Variants in DMD observed in about 807,000 individuals in gnomAD.
DMD encodes dystrophin, also known as mutant dystrophin.
DMD carries 63 observed loss-of-function variants against 330.1 expected under a neutral mutation model. The ratio of observed to expected loss-of-function variants is 0.19; its 90% CI spans 0.16 to 0.24. DMD has a LOEUF of 0.24. Among genes scored for constraint, DMD ranks in the 10% least tolerant of loss-of-function variants. DMD has a pLI of 1.00. For missense variants in DMD, 3,344 were observed against 2,684.1 expected (o/e 1.25, Z -5.43); for synonymous variants, 1,223 against 959.8 (o/e 1.27, Z -5.07).
chrX:31,288,171 G>C (rs189207861), intron 62 of DMD, among the ~76,000 whole-genome samples: 7 of 111,760 alleles, frequency 6.3e-5, no homozygotes, highest in Admixed American at 3.8e-4. Context: ...CGGGAGAGGA[G>C]AGAGGGTTAA....
At position 32,828,031 on chromosome X, in the gene DMD, C is replaced by T. The variant is rs189739306; in HGVS notation, c.265-4644G>A. Among the ~76,000 whole-genome samples, 11 of 111,272 alleles carry T rather than the reference C, an allele frequency of 9.9e-5. No individual in the cohort carries two copies. The South Asian group carries it at 1.1e-3, about 12-fold the overall frequency. ...TCATGCACTAGTTTGCTAAGGATAA[C>T]GGCTCCAGCTGCATCCATGTTGCTA... On this transcript the variant is annotated intron_variant, in intron 4 of 78. Coordinates refer to ENST00000357033, the MANE Select transcript of DMD (RefSeq NM_004006.3).
At chrX:32,865,551 G>A (rs755884755) in intron 2 of DMD, among the ~76,000 whole-genome samples, 8 of 112,097 alleles carry the variant, frequency 7.1e-5, no homozygotes, top group Non-Finnish European at 1.1e-4. Flanking sequence ...GTAAGTGGAC[G>A]GATGGAACAT....
intron 44 of DMD, among the ~76,000 whole-genome samples, chrX:32,051,847 C>G (rs969175133): frequency 9.0e-6 from 1 of 111,052 alleles, no homozygotes; most frequent in Non-Finnish European, 1.9e-5. Context: ...AAACTAGATT[C>G]TCTCTCCACC....
Position 33,062,467 on chromosome X carries a change from T to TTTA in DMD, c.32-42268_32-42267insTAA, listed in dbSNP as rs746290047. On this transcript the variant is annotated intron_variant, in intron 1 of 78. Coordinates refer to ENST00000357033, the MANE Select transcript of DMD (RefSeq NM_004006.3). ...AAGGAGTTTATTCTACAATTTTTGT[T>TTTA]TTTATTTATTTATCTATTTATTTTT... is the stretch of plus-strand genomic sequence containing the variant. 1.7e-3 allele frequency among the ~76,000 whole-genome samples: 196 copies of TTTA among 112,166 alleles called. 1 individual carries two copies. The highest frequency in any genetic ancestry group is 3.2e-3 in the Non-Finnish European group (169 of 53,187).
intron 60 of DMD, among the ~76,000 whole-genome samples, chrX:31,378,862 A>G (rs1307407217): frequency 9.1e-6 from 1 of 109,864 alleles, no homozygotes; most frequent in Non-Finnish European, 1.9e-5. Context: ...CTAAAACCTA[A>G]ATGCCTTATT....
intron 44 of DMD, among the ~76,000 whole-genome samples, chrX:32,063,915 G>A: frequency 9.0e-6 from 1 of 111,139 alleles, no homozygotes; most frequent in Non-Finnish European, 1.9e-5. Flanking sequence ...GTAGAATACA[G>A]AAATTATATT....
At chrX:32,432,716 C>A (rs1603633362) in intron 29 of DMD, among the ~76,000 whole-genome samples, 2 of 112,313 alleles carry the variant, frequency 1.8e-5, no homozygotes, top group African/African-American at 6.5e-5. Context: ...ATATTGTCTA[C>A]AAAACATATT....
At chrX:32,542,329 A>G (rs184400278) in intron 17 of DMD, among the ~76,000 whole-genome samples, 1 of 111,794 alleles carries the variant, frequency 8.9e-6, no homozygotes, top group African/African-American at 3.3e-5. Context: ...GCTACTCGGG[A>G]GGTTGAGGCA....
rs2071057426 is a variant in DMD, at chrX:31,507,386, AT to A, written c.8284del (p.Ile2762SerfsTer2). 1 of 1,209,532 alleles carries A rather than the reference AT, an allele frequency of 8.3e-7. No individual in the cohort carries two copies. The highest frequency in any genetic ancestry group is 2.2e-5 in the Admixed American group (1 of 45,694). On this transcript the variant is annotated frameshift_variant, in exon 56 of 79. Coordinates refer to ENST00000357033, the MANE Select transcript of DMD (RefSeq NM_004006.3). LOFTEE classifies it high-confidence loss of function. ...ATCGGAACCTTCCAGGGATCTCAGG[AT>A]TTTTTGGCTGTTTTCATCCAGGTTG... ...YHNLDENSQK[I>X]LRSLEGSDDA...
intron 34 of DMD, among the ~76,000 whole-genome samples, chrX:32,371,300 C>A (rs1001201077): frequency 5.4e-5 from 6 of 111,216 alleles, no homozygotes; most frequent in Non-Finnish European, 1.1e-4. Context: ...GCATTTAACA[C>A]CTTCAGTTAA....
intron 4 of DMD, among the ~76,000 whole-genome samples, chrX:32,825,654 G>A (rs766791316): frequency 4.5e-5 from 5 of 112,071 alleles, no homozygotes; most frequent in African/African-American, 1.6e-4. Context: ...TAAACAAAAT[G>A]TGGTATGTAC....
At chrX:31,220,672 C>T (rs2045913018) in intron 64 of DMD, among the ~76,000 whole-genome samples, 2 of 110,791 alleles carry the variant, frequency 1.8e-5, no homozygotes, top group Middle Eastern at 4.2e-3. Context: ...CTCATGATCC[C>T]TAAACGTTGT....
intron 17 of DMD, among the ~76,000 whole-genome samples, chrX:32,540,814 A>C (rs1431425976): frequency 8.9e-6 from 1 of 111,997 alleles, no homozygotes; most frequent in Non-Finnish European, 1.9e-5. Flanking sequence ...GATTATTGGG[A>C]AGGTAGACAT....
intron 7 of DMD, among the ~76,000 whole-genome samples, chrX:32,803,729 A>G (rs1206015934): frequency 2.7e-5 from 3 of 111,873 alleles, no homozygotes; most frequent in African/African-American, 9.8e-5. Flanking sequence ...CCCAGTAGTC[A>G]CCCAGGAGCA....
At chrX:31,966,940 C>G (rs2095356335) in intron 45 of DMD, among the ~76,000 whole-genome samples, 1 of 110,161 alleles carries the variant, frequency 9.1e-6, no homozygotes, top group Non-Finnish European at 1.9e-5. Context: ...ATTTAATCCA[C>G]TTTATGAATT....
intron 52 of DMD, among the ~76,000 whole-genome samples, chrX:31,709,728 C>A (rs918229792): frequency 2.7e-5 from 3 of 110,405 alleles, no homozygotes; most frequent in African/African-American, 9.9e-5. Flanking sequence ...TTTAAGAGTG[C>A]ACATATTTCT....
Position 33,020,041 on chromosome X carries a change from A to G in DMD, c.93+98T>C, listed in dbSNP as rs72470535. ...ACAGCTAAAATAAAATGACACTATGAGAGAAATAAAACGGATTTTTAAGAT... is the reference window on the plus strand; with the variant it reads ...ACAGCTAAAATAAAATGACACTATGGGAGAAATAAAACGGATTTTTAAGAT... On this transcript the variant is annotated intron_variant, in intron 2 of 78. Coordinates refer to ENST00000357033, the MANE Select transcript of DMD (RefSeq NM_004006.3). 1.5e-3 allele frequency: 954 copies of G among 621,102 alleles called. 1 individual carries two copies. Among genetic ancestry groups the G allele is most frequent in the Non-Finnish European group, 2.2e-3 (881 of 399,914 alleles). 51.2% of individuals were successfully genotyped at this position (621,102 alleles called of 1,213,427 possible).
At chrX:32,596,987 T>C (rs895241523) in intron 12 of DMD, among the ~76,000 whole-genome samples, 2 of 111,842 alleles carry the variant, frequency 1.8e-5, no homozygotes, top group Non-Finnish European at 3.8e-5. Flanking sequence ...GAAATTCTTA[T>C]ATGATCTAGC....
At chrX:32,118,940 G>A (rs1056625699) in intron 44 of DMD, among the ~76,000 whole-genome samples, 1 of 111,294 alleles carries the variant, frequency 9.0e-6, no homozygotes, top group Non-Finnish European at 1.9e-5. Context: ...TAATACCGCT[G>A]CTGAGCTGAT....
Sources: gnomAD v4.1 joint callset for allele counts (sites outside exome capture counted in the v4.1 genomes callset) on GRCh38, gnomAD v4.1.1 for gene constraint, MANE v1.5 for transcripts, NCBI Gene and HGNC (gene_info 2026-07-23, HGNC 2026-07-21) for gene names.